Variants in CNTRL observed in about 807,000 individuals in gnomAD.
The protein encoded by CNTRL is centriolin.
In CNTRL, 233 loss-of-function variants were observed where a neutral mutation model predicts 303.7. The ratio of observed to expected loss-of-function variants is 0.77; its 90% confidence interval spans 0.69 to 0.86. The LOEUF is 0.86. Among genes scored for constraint, CNTRL ranks in the 40% least tolerant of loss-of-function variants. CNTRL has a pLI of 0.00. For missense variants in CNTRL, 2,524 were observed against 2,650.6 expected, an observed-to-expected ratio of 0.95 and a Z score of 1.05; for synonymous variants, 900 against 922.2, an observed-to-expected ratio of 0.98 and a Z score of 0.44.
In CNTRL at chr9:121,092,742, C is replaced by CA. The variant is rs1554735348; in HGVS notation, c.349-2146_349-2145insA. On this transcript the variant is annotated intron_variant, in intron 4 of 43. Transcript: ENST00000373855. ...ATATCTATATATATATAATATATAT[C>CA]TATATATAATATATATCTATATATA... Among the ~76,000 whole-genome samples, 3 of 12,430 alleles carry CA rather than the reference C, an allele frequency of 2.4e-4. 1 individual carries two copies. Among genetic ancestry groups the CA allele is most frequent in the African/African-American group, 5.0e-4 (3 of 6,008 alleles). The allele number at this position is 12,430 out of a possible 152,430, so 8.2% of individuals were successfully genotyped here. A position where few individuals can be genotyped will look rare whatever the true frequency, so the allele number is the denominator to read the frequency against.
At chr9:121,144,221 A>C in intron 20 of CNTRL, 139 bp downstream of exon 20, 1 of 702,734 alleles carries the variant, frequency 1.4e-6, no homozygotes, top group Non-Finnish European at 2.3e-6. Flanking sequence ...TTAAGACCTA[A>C]AGATTATATT....
chr9:121,162,419 G>A, intron 34 of CNTRL, 148 bp downstream of exon 34: 3 of 663,832 alleles, frequency 4.5e-6, no homozygotes, highest in Non-Finnish European at 2.6e-6. Context: ...GCATTTTTTT[G>A]GAGAATTTCC....
At chr9:121,101,745 A>C (rs997971682) in intron 7 of CNTRL, among the ~76,000 whole-genome samples, 1 of 152,272 alleles carries the variant, frequency 6.6e-6, no homozygotes, top group African/African-American at 2.4e-5. Flanking sequence ...CAGAGATACA[A>C]ACTATCATCA....
intron 10 of CNTRL, 147 bp downstream of exon 10, chr9:121,113,871 C>G (rs1487717463): frequency 2.0e-6 from 1 of 511,928 alleles, no homozygotes; most frequent in Non-Finnish European, 3.3e-6. Context: ...GATTATCAAG[C>G]AGATTTATCG....
Position 121,144,866 on chromosome 9 carries a change from C to T in CNTRL, c.3075C>T (p.Phe1025=). The T allele has an allele frequency of 6.2e-7, 1 of 1,613,300 alleles. No homozygotes were observed. The highest frequency in any genetic ancestry group is 8.5e-7 in the Non-Finnish European group (1 of 1,179,922). The change falls in exon 21 of 44, where the codon TTC becomes TTT. Residue 1025 remains phenylalanine (F), a synonymous_variant. Coordinates refer to ENST00000373855, the MANE Select transcript of CNTRL (RefSeq NM_007018.6). ...RAEELQEAER[F]SRKAAQAARD... ...AGGAGTTGCAGGAAGCAGAGAGGTT[C>T]AGCAGAAAGGCAGCACAAGCAGCCA... is the stretch of plus-strand genomic sequence containing the variant.
At chr9:121,171,217 ACT>A (rs1487483194) in intron 39 of CNTRL, 189 bp from the exon 40 acceptor site, 5 of 676,634 alleles carry the variant, frequency 7.4e-6, no homozygotes, top group South Asian at 6.0e-5. Flanking sequence ...ATGCTAACAG[ACT>A]CTGACGTGTA....
In CNTRL at chr9:121,177,546, G is replaced by T. The variant is rs2053576065; in HGVS notation, c.*360G>T. The T allele has an allele frequency of 4.2e-6, 1 of 240,838 alleles. No homozygotes were observed. Among genetic ancestry groups the T allele is most frequent in the South Asian group, 1.7e-4 (1 of 5,826 alleles). The allele number at this position is 240,838 out of a possible 1,614,324, so 14.9% of individuals were successfully genotyped here. On this transcript the variant is annotated 3_prime_UTR_variant, in exon 44 of 44. Coordinates refer to ENST00000373855, the MANE Select transcript of CNTRL (RefSeq NM_007018.6). ...ACTTAAGGCCCTCTTTATTTATAGT[G>T]TCGAGTTATTTTTGAATTTTGCTTA...
intron 2 of CNTRL, among the ~76,000 whole-genome samples, chr9:121,082,969 CAAAAA>C (rs71370624): frequency 1.8e-5 from 2 of 109,872 alleles, no homozygotes; most frequent in South Asian, 3.1e-4. Context: ...GACTCCCTCT[CAAAAA>C]AAAAAAAAAA....
chr9:121,155,730 A>G (rs1433807512), intron 27 of CNTRL, among the ~76,000 whole-genome samples: 1 of 152,188 alleles, frequency 6.6e-6, no homozygotes, highest in African/African-American at 2.4e-5. Flanking sequence ...TAAATGTTTC[A>G]TTTAACCTTC....
At position 121,162,163 on chromosome 9, in the gene CNTRL, C is replaced by T. The variant is rs778278006; in HGVS notation, c.5315C>T (p.Thr1772Ile). The T allele has an allele frequency of 3.6e-5, 58 of 1,613,996 alleles. 1 individual carries two copies. In the South Asian group the frequency reaches 6.3e-4, roughly 17 times the overall value. The stretch of plus-strand genomic sequence containing the variant: ...GATAAACGAGAAATAGAACGAATGA[C>T]TGCTGAGTCCCGAGCTTTACAATCG... ...ERDKREIERM[T>I]AESRALQSCV... Residue 1772 changes from threonine to isoleucine, a missense_variant, in exon 34 of 44, where the codon ACT (threonine) becomes ATT (isoleucine). By Grantham distance (89) the Thr-to-Ile change is moderately conservative. Transcript: ENST00000373855.
rs1349621509 is a variant in CNTRL at position 121,123,975 on chromosome 9, C to T, written c.1695C>T (p.Asp565=). ...AQKSGKEQQL[D]IMNKQYQQLE... is the part of the protein sequence containing the mutation. ...AGAGCGGTAAAGAACAACAGCTTGA[C>T]ATTATGAACAAGCAGTACCAACAAC... The change falls in exon 13 of 44, where the codon GAC becomes GAT. Residue 565 remains aspartate (D), a synonymous_variant. Transcript: ENST00000373855. 3 of 1,610,766 alleles carry T rather than the reference C, an allele frequency of 1.9e-6. No homozygotes were observed. Among genetic ancestry groups the T allele is most frequent in the East Asian group, 2.2e-5 (1 of 44,686 alleles).
intron 12 of CNTRL, among the ~76,000 whole-genome samples, chr9:121,119,168 G>T (rs1291755681): frequency 2.0e-5 from 3 of 151,740 alleles, no homozygotes; most frequent in Non-Finnish European, 4.4e-5. Flanking sequence ...CTTGAAGAAG[G>T]TAGCTTTCAG....
chr9:121,170,049 C>T (rs926562657), intron 39 of CNTRL, among the ~76,000 whole-genome samples: 26 of 152,142 alleles, frequency 1.7e-4, no homozygotes, highest in African/African-American at 5.6e-4. Context: ...TTGGTGTGAA[C>T]AGCCATTATC....
intron 12 of CNTRL, chr9:121,121,683 G>C: frequency 3.4e-6 from 2 of 591,780 alleles, no homozygotes; most frequent in East Asian, 2.9e-4. Context: ...TTGGCCCCTG[G>C]GAGCTTCCTG....
intron 12 of CNTRL, among the ~76,000 whole-genome samples, chr9:121,119,078 A>ATGTGTGTG (rs745355977): frequency 1.0e-5 from 1 of 99,888 alleles, no homozygotes; most frequent in Non-Finnish European, 2.3e-5. Flanking sequence ...ATACATAAAT[A>ATGTGTGTG]TATGTGTGTG....
intron 35 of CNTRL, among the ~76,000 whole-genome samples, chr9:121,165,712 T>G (rs1392930707): frequency 6.6e-6 from 1 of 152,204 alleles, no homozygotes; most frequent in Non-Finnish European, 1.5e-5. Context: ...ACTGCTTAAA[T>G]GAGAAGTGAC....
At chr9:121,131,530 CA>C (rs2050857612) in intron 14 of CNTRL, among the ~76,000 whole-genome samples, 1 of 152,186 alleles carries the variant, frequency 6.6e-6, no homozygotes, top group Non-Finnish European at 1.5e-5. Context: ...TGTGTCTCTG[CA>C]CATGAGATGG....
At chr9:121,127,801 C>G (rs898076259) in intron 14 of CNTRL, among the ~76,000 whole-genome samples, 1 of 124,562 alleles carries the variant, frequency 8.0e-6, no homozygotes, top group African/African-American at 3.0e-5. Context: ...CCCCTCCCCC[C>G]ACCCCACGAC....
chr9:121,146,320 C>A, intron 23 of CNTRL, 64 bp downstream of exon 23: 1 of 1,509,072 alleles, frequency 6.6e-7, no homozygotes, highest in Non-Finnish European at 9.0e-7. Flanking sequence ...GACATTGTCC[C>A]CTTCCCCAAA....
Sources: allele counts gnomAD v4.1 joint callset (sites outside exome capture counted in the v4.1 genomes callset), GRCh38; gene constraint gnomAD v4.1.1; transcripts MANE v1.5; gene names NCBI Gene and HGNC (gene_info 2026-07-23, HGNC 2026-07-21).